Variants in MRM1 observed in about 807,000 individuals in gnomAD.
MRM1 encodes rRNA methyltransferase 1, mitochondrial.
A neutral mutation model predicts 25.0 loss-of-function variants in MRM1; 24 were observed. The ratio of observed to expected loss-of-function variants is 0.96; its 90% CI spans 0.69 to 1.35. The LOEUF (loss-of-function observed/expected upper bound fraction) is 1.35, where lower values mean the gene tolerates loss of function less well. Ranked by LOEUF, MRM1 falls within the 40% of genes most tolerant of loss-of-function variation. MRM1 has a pLI of 0.00. For missense variants in MRM1, 431 were observed against 464.1 expected (o/e 0.93, Z 0.65); for synonymous variants, 188 against 199.2 (o/e 0.94, Z 0.47).
At chr17:36,629,678 C>A in the MRM1 span, among the ~76,000 whole-genome samples, 4 of 117,802 alleles carry the variant, frequency 3.4e-5, no homozygotes, top group Non-Finnish European at 6.6e-5. Context: ...GAAAGCGGGG[C>A]AGTGGGAGGA....
downstream of MRM1, among the ~76,000 whole-genome samples, chr17:36,610,174 C>T (rs956908891): frequency 4.0e-5 from 6 of 151,756 alleles, no homozygotes; most frequent in African/African-American, 7.3e-5. Context: ...GTGATCTGCC[C>T]TCCTCAGCCT....
the MRM1 span, among the ~76,000 whole-genome samples, chr17:36,626,085 C>A: frequency 3.3e-5 from 5 of 152,144 alleles, no homozygotes; most frequent in South Asian, 1.0e-3. Context: ...ACACTGCGGG[C>A]ACAAGCAAAA....
chr17:36,622,464 C>T, the MRM1 span, among the ~76,000 whole-genome samples: 1 of 151,528 alleles, frequency 6.6e-6, no homozygotes, highest in Non-Finnish European at 1.5e-5. Context: ...CCCAGCTACT[C>T]AGGAGGCTGA....
the MRM1 span, chr17:36,634,589 A>G: frequency 6.6e-6 from 1 of 152,230 alleles, no homozygotes; most frequent in Admixed American, 6.5e-5. Flanking sequence ...GCCACATGGC[A>G]TTCCATCATG....
At chr17:36,611,501 TGTG>T (rs1194921626), downstream of MRM1, among the ~76,000 whole-genome samples, 1 of 152,138 alleles carries the variant, frequency 6.6e-6, no homozygotes, top group Non-Finnish European at 1.5e-5. Context: ...CAGACTTTGA[TGTG>T]GTGGTTAATT....
chr17:36,629,445 A>G, the MRM1 span, among the ~76,000 whole-genome samples: 2 of 152,146 alleles, frequency 1.3e-5, no homozygotes, highest in African/African-American at 4.8e-5. Context: ...AGTGCCCATC[A>G]TTCACACTAG....
chr17:36,624,523 A>C, the MRM1 span, among the ~76,000 whole-genome samples: 8 of 152,352 alleles, frequency 5.3e-5, no homozygotes, highest in East Asian at 1.5e-3. The surrounding 1 kb of genome is among the most constrained non-coding windows in gnomAD (Gnocchi z 4.0). Flanking sequence ...TCATCAGTAC[A>C]ACCGGGTCTC....
the MRM1 span, among the ~76,000 whole-genome samples, chr17:36,628,738 T>C: frequency 6.6e-6 from 1 of 152,150 alleles, no homozygotes; most frequent in Non-Finnish European, 1.5e-5. Flanking sequence ...GCTTCAAACT[T>C]GTTATTTCAC....
downstream of MRM1, among the ~76,000 whole-genome samples, chr17:36,611,549 A>G (rs1027815842): frequency 6.6e-6 from 1 of 152,222 alleles, no homozygotes; most frequent in South Asian, 2.1e-4. Flanking sequence ...TGGGTTGCCC[A>G]GATGTTTGGT....
the MRM1 span, among the ~76,000 whole-genome samples, chr17:36,627,674 G>GTTTTCTTTTTT: frequency 3.6e-5 from 3 of 83,728 alleles, 1 homozygote; most frequent in Admixed American, 2.8e-4. Context: ...TTTGGACACT[G>GTTTTCTTTTTT]TTTTTTTTTT....
At chr17:36,607,205 G>A (rs1204508579) in intron 2 of MRM1, among the ~76,000 whole-genome samples, 3 of 151,630 alleles carry the variant, frequency 2.0e-5, no homozygotes, top group Non-Finnish European at 2.9e-5. Flanking sequence ...GTGAGCCACC[G>A]TGCCTGGGCC....
chr17:36,608,014 T>C lies in MRM1; in HGVS notation c.885T>C (p.Ala295=). ...PGLESLNVSV[A]AGILLHSICS... ...TTGAGTCCTTGAACGTCTCTGTGGC[T>C]GCAGGTGAGTCTACTCCCCTTTCCC... The change falls in exon 4 of 5, where the codon GCT becomes GCC. Residue 295 remains alanine, a synonymous_variant. Coordinates refer to ENST00000614766, the MANE Select transcript of MRM1 (RefSeq NM_024864.5). The C allele has an allele frequency of 1.2e-6, 2 of 1,614,098 alleles. No homozygotes were observed. The highest frequency in any genetic ancestry group is 1.3e-5 in the African/African-American group (1 of 75,044).
At chr17:36,603,350 T>C (rs761369934) in intron 2 of MRM1, 26 of 244,692 alleles carry the variant, frequency 1.1e-4, no homozygotes, top group Non-Finnish European at 1.6e-4. Flanking sequence ...ATAAATTGTG[T>C]CCAGTATATC....
the MRM1 span, among the ~76,000 whole-genome samples, chr17:36,625,989 C>G: frequency 1.3e-4 from 20 of 152,048 alleles, no homozygotes; most frequent in African/African-American, 4.6e-4. Context: ...AGCCATGCCC[C>G]CCCGCCGACC....
At chr17:36,633,217 C>T in the MRM1 span, among the ~76,000 whole-genome samples, 4 of 152,112 alleles carry the variant, frequency 2.6e-5, no homozygotes, top group African/African-American at 9.7e-5. Context: ...TCCCTCAGGT[C>T]GTCACTTTGC....
chr17:36,602,479 T>A lies in MRM1; in HGVS notation c.543-74T>A. The A allele has an allele frequency of 6.2e-7, 1 of 1,605,996 alleles. No homozygotes were observed. Among genetic ancestry groups the A allele is most frequent in the Non-Finnish European group, 8.5e-7 (1 of 1,173,868 alleles). On this transcript the variant is annotated intron_variant, in intron 1 of 4. Coordinates refer to ENST00000614766, the MANE Select transcript of MRM1 (RefSeq NM_024864.5). The surrounding 1 kb of genome is among the most constrained non-coding windows in gnomAD (Gnocchi z 4.1). ...CCAGAACTCTCATCCCCCTAGCCCT[T>A]GGGAGCCCTGGGAGGGTAGGGAGCC...
At chr17:36,630,403 C>T in the MRM1 span, among the ~76,000 whole-genome samples, 7 of 152,168 alleles carry the variant, frequency 4.6e-5, no homozygotes, top group South Asian at 2.1e-4. Context: ...CTGACTGCTC[C>T]GCTTGCCCGC....
Position 36,601,713 on chromosome 17 carries a change from T to G in MRM1, c.-98T>G. ...CGGCGGAGACGGCTGTCGAGTACCC[T>G]TCACCTCGGTGTTGGGAGCCTGGGA... On this transcript the variant is annotated 5_prime_UTR_variant, in exon 1 of 5. Coordinates refer to ENST00000614766, the MANE Select transcript of MRM1 (RefSeq NM_024864.5). 1 of 1,293,758 alleles carries G rather than the reference T, an allele frequency of 7.7e-7. No individual in the cohort carries two copies. The highest frequency in any genetic ancestry group is 2.5e-5 in the East Asian group (1 of 40,572). 80.1% of individuals were successfully genotyped at this position (1,293,758 alleles called of 1,614,324 possible). A position where few individuals can be genotyped will look rare whatever the true frequency, so the allele number is the denominator to read the frequency against.
the MRM1 span, among the ~76,000 whole-genome samples, chr17:36,624,873 C>A: frequency 0.018 from 2,761 of 152,238 alleles, 75 homozygotes; most frequent in African/African-American, 0.061. The surrounding 1 kb of genome is among the most constrained non-coding windows in gnomAD (Gnocchi z 4.0). Context: ...CCCCTCCCCA[C>A]TCCTGCTCCT....
Sources: gnomAD v4.1 joint callset for allele counts (sites outside exome capture counted in the v4.1 genomes callset) on GRCh38, gnomAD v4.1.1 for gene constraint, Gnocchi (gnomAD v3.1) non-coding constraint, MANE v1.5 for transcripts, NCBI Gene and HGNC (gene_info 2026-07-23, HGNC 2026-07-21) for gene names.